Variants in GSDME observed in about 807,000 individuals in gnomAD.
GSDME encodes gasdermin-E.
Under a neutral mutation model 47.5 loss-of-function variants are expected in GSDME, and 44 were observed. That is an observed-to-expected ratio of 0.93 (90% CI 0.73 to 1.19). The LOEUF (loss-of-function observed/expected upper bound fraction) is 1.19, where lower values mean the gene tolerates loss of function less well. Ranked by LOEUF, GSDME falls within the 50% of genes most tolerant of loss-of-function variation. The probability of loss-of-function intolerance (pLI) is 0.00; values close to 1 mark genes in which losing one functional copy is unlikely to be tolerated. For missense variants in GSDME, 663 were observed against 604.2 expected, an observed-to-expected ratio of 1.10 and a Z score of -1.02; for synonymous variants, 258 against 252.8, an observed-to-expected ratio of 1.02 and a Z score of -0.20.
chr7:24,748,523 T>A (rs1039868551), intron 2 of GSDME, among the ~76,000 whole-genome samples: 2 of 152,200 alleles, frequency 1.3e-5, no homozygotes, highest in Admixed American at 6.5e-5. Context: ...ACAAACCAAG[T>A]GTCAACGGGA....
At chr7:24,713,813 C>CG in intron 5 of GSDME, among the ~76,000 whole-genome samples, 1 of 152,318 alleles carries the variant, frequency 6.6e-6, no homozygotes. Flanking sequence ...TAGCCAGTTA[C>CG]GAGTCTGTGG....
At chr7:24,704,805 A>G (rs2521753) in intron 8 of GSDME, 12,169 of 151,728 alleles carry the variant, frequency 0.08, 583 homozygotes, top group African/African-American at 0.13. Flanking sequence ...GCAATCCTCC[A>G]CAGCCCCTCA....
chr7:24,755,501 ATCCTCTGTCCTTTC>A (rs1477135143), intron 1 of GSDME, among the ~76,000 whole-genome samples: 1 of 152,170 alleles, frequency 6.6e-6, no homozygotes, highest in African/African-American at 2.4e-5. Flanking sequence ...ACATGCCCAA[ATCCTCTGTCCTTTC>A]TAACACCTCT....
chr7:24,766,065 T>C, the GSDME span, among the ~76,000 whole-genome samples: 1 of 152,216 alleles, frequency 6.6e-6, no homozygotes, highest in Non-Finnish European at 1.5e-5. The surrounding 1 kb of genome is among the most constrained non-coding windows in gnomAD (Gnocchi z 4.2). Flanking sequence ...TTAATATTCA[T>C]TCACTGAAAA....
At chr7:24,774,926 G>C in the GSDME span, among the ~76,000 whole-genome samples, 1 of 152,152 alleles carries the variant, frequency 6.6e-6, no homozygotes, top group Non-Finnish European at 1.5e-5. Context: ...ATGTGTGTAT[G>C]GGGGATGTTT....
chr7:24,706,438 C>T, intron 7 of GSDME, 62 bp from the exon 8 acceptor site: 1 of 1,531,176 alleles, frequency 6.5e-7, no homozygotes, highest in African/African-American at 1.4e-5. Context: ...ACAGCTGGGG[C>T]CTCCGCTCAC....
the GSDME span, among the ~76,000 whole-genome samples, chr7:24,789,725 T>C: frequency 3.9e-5 from 6 of 152,198 alleles, no homozygotes; most frequent in Non-Finnish European, 8.8e-5. Context: ...TAAGACAATA[T>C]GAGGAGTGGT....
At chr7:24,748,584 C>T (rs1250537489) in intron 2 of GSDME, among the ~76,000 whole-genome samples, 1 of 152,126 alleles carries the variant, frequency 6.6e-6, no homozygotes, top group Admixed American at 6.5e-5. Flanking sequence ...TTCTTCATCC[C>T]TTTCTATATT....
chr7:24,766,214 T>TGTGC, the GSDME span, among the ~76,000 whole-genome samples: 1,133 of 151,386 alleles, frequency 7.5e-3, 21 homozygotes, highest in African/African-American at 0.026. The surrounding 1 kb of genome is among the most constrained non-coding windows in gnomAD (Gnocchi z 4.2). Flanking sequence ...TGTGTGTGTG[T>TGTGC]GCATGTTTGC....
chr7:24,781,212 C>T, the GSDME span, among the ~76,000 whole-genome samples: 1 of 152,320 alleles, frequency 6.6e-6, no homozygotes, highest in Admixed American at 6.5e-5. Context: ...TACAGCCTAA[C>T]TCCAGACAGG....
At chr7:24,791,315 G>A in the GSDME span, among the ~76,000 whole-genome samples, 3 of 152,234 alleles carry the variant, frequency 2.0e-5, no homozygotes, top group South Asian at 2.1e-4. The surrounding 1 kb of genome is among the most constrained non-coding windows in gnomAD (Gnocchi z 4.8). Flanking sequence ...CATAAGGGCA[G>A]TCCAAACCTA....
chr7:24,773,214 C>T, the GSDME span, among the ~76,000 whole-genome samples: 4 of 152,216 alleles, frequency 2.6e-5, no homozygotes, highest in East Asian at 1.9e-4. This position sits in a 1 kb window ranked among gnomAD's most constrained non-coding sequence, Gnocchi z 5.4. Flanking sequence ...CCATTAGGCA[C>T]TTTAAGCCCT....
Position 24,724,077 on chromosome 7 carries a change from G to A in GSDME, c.405-4859C>T, listed in dbSNP as rs983261540. Among the ~76,000 whole-genome samples, 2 of 151,842 alleles carry A rather than the reference G, an allele frequency of 1.3e-5. No individual in the cohort carries two copies. Among genetic ancestry groups the A allele is most frequent in the Non-Finnish European group, 2.9e-5 (2 of 67,992 alleles). ...ACACAGAAAACTATTAGTAGTGGTC[G>A]CCTCTTGGGTGGGGAACCAGATGGC... is the stretch of plus-strand genomic sequence containing the variant. On this transcript the variant is annotated intron_variant, in intron 3 of 9. Transcript: ENST00000645220. The surrounding 1 kb of genome is among the most constrained non-coding windows in gnomAD (Gnocchi z 4.8).
At chr7:24,770,779 C>T in the GSDME span, among the ~76,000 whole-genome samples, 3 of 150,738 alleles carry the variant, frequency 2.0e-5, no homozygotes, top group South Asian at 2.1e-4. This position sits in a 1 kb window ranked among gnomAD's most constrained non-coding sequence, Gnocchi z 4.6. Context: ...TGGGCTCATT[C>T]GTAGACTGGA....
the GSDME span, among the ~76,000 whole-genome samples, chr7:24,790,852 T>A: frequency 1.3e-5 from 2 of 152,232 alleles, no homozygotes; most frequent in East Asian, 3.9e-4. This position sits in a 1 kb window ranked among gnomAD's most constrained non-coding sequence, Gnocchi z 4.1. Context: ...AAAAGACAGT[T>A]TTAACTTTTT....
rs1447089205 is a variant in GSDME at position 24,721,011 on chromosome 7, T to G, written c.405-1793A>C. Among the ~76,000 whole-genome samples the G allele has an allele frequency of 6.6e-6, 1 of 152,122 alleles. No individual in the cohort carries two copies. Among genetic ancestry groups the G allele is most frequent in the Non-Finnish European group, 1.5e-5 (1 of 68,048 alleles). ...CACTCCAGGGACAAATGAGCAATAT[T>G]GTGTGGTTCCTCATATGAAATATCT... On this transcript the variant is annotated intron_variant, in intron 3 of 9. Transcript: ENST00000645220. This position sits in a 1 kb window ranked among gnomAD's most constrained non-coding sequence, Gnocchi z 4.1.
At position 24,728,641 on chromosome 7, in the gene GSDME, C is replaced by T. The variant is rs1790047559; in HGVS notation, c.405-9423G>A. ...TTAAAGAACTGGCAGTCTTTCTGCT[C>T]CATCCCATGAGAGCTTCCCAGAGTC... On this transcript the variant is annotated intron_variant, in intron 3 of 9. Transcript: ENST00000645220. This position sits in a 1 kb window ranked among gnomAD's most constrained non-coding sequence, Gnocchi z 7.2. Among the ~76,000 whole-genome samples, 1 of 152,166 alleles carries T rather than the reference C, an allele frequency of 6.6e-6. No individual in the cohort carries two copies.
chr7:24,755,978 TATTAA>T (rs1440958693), intron 1 of GSDME, among the ~76,000 whole-genome samples: 4 of 152,252 alleles, frequency 2.6e-5, no homozygotes, highest in African/African-American at 9.6e-5. Flanking sequence ...CAATTGGGTC[TATTAA>T]ATTAGAACAG....
the GSDME span, among the ~76,000 whole-genome samples, chr7:24,768,346 G>A: frequency 6.6e-6 from 1 of 152,162 alleles, no homozygotes; most frequent in Non-Finnish European, 1.5e-5. This position sits in a 1 kb window ranked among gnomAD's most constrained non-coding sequence, Gnocchi z 5.6. Context: ...GCATTAAGGG[G>A]AGCCAGGTGA....
Sources: allele counts gnomAD v4.1 joint callset (sites outside exome capture counted in the v4.1 genomes callset), GRCh38; gene constraint gnomAD v4.1.1; non-coding constraint Gnocchi (gnomAD v3.1); transcripts MANE v1.5; gene names NCBI Gene and HGNC (gene_info 2026-07-23, HGNC 2026-07-21).